The following SERPINH1 variants were observed in gnomAD, a reference collection of about 807,000 sequenced individuals.
SERPINH1 encodes serpin H1.
Under a neutral mutation model 32.3 loss-of-function variants are expected in SERPINH1, and 22 were observed. The observed-to-expected ratio is 0.68, with a 90% CI of 0.49 to 0.97. SERPINH1 has a LOEUF of 0.97. Ranked by LOEUF, SERPINH1 falls within the 50% of genes least tolerant of loss-of-function variation. The pLI is 0.00. For missense variants in SERPINH1, 543 were observed against 576.4 expected (o/e 0.94, Z 0.59); for synonymous variants, 251 against 245.9 (o/e 1.02, Z -0.19).
At chr11:75,567,556 A>G (rs927516813) in intron 2 of SERPINH1, among the ~76,000 whole-genome samples, 3 of 152,204 alleles carry the variant, frequency 2.0e-5, no homozygotes, top group Non-Finnish European at 2.9e-5. Flanking sequence ...TTTTGGTCTC[A>G]AGTGATCTGC....
Position 75,568,847 on chromosome 11 carries a change from C to A in SERPINH1, c.721+18C>A, listed in dbSNP as rs1355226932. 6.2e-7 allele frequency: 1 copy of A among 1,609,422 alleles called. No homozygotes were observed. The highest frequency in any genetic ancestry group is 8.5e-7 in the Non-Finnish European group (1 of 1,175,774). On this transcript the variant is annotated intron_variant, in intron 3 of 4. Coordinates refer to ENST00000358171, the MANE Select transcript of SERPINH1 (RefSeq NM_001235.5). Reference sequence around the variant, plus strand: ...CCGGACAGGTAGGTGCTGTGAGGAGCAGGGTGTCAAGGTGGGTGGGGGTCC... The same window carrying A: ...CCGGACAGGTAGGTGCTGTGAGGAGAAGGGTGTCAAGGTGGGTGGGGGTCC...
intron 2 of SERPINH1, chr11:75,568,468 A>G (rs928556265): frequency 5.8e-6 from 3 of 513,690 alleles, no homozygotes; most frequent in Non-Finnish European, 1.1e-5. Flanking sequence ...TGAGGGCGGA[A>G]TTAATTCTCT....
chr11:75,563,891 GTA>G (rs1942027565), intron 1 of SERPINH1: 1 of 152,646 alleles, frequency 6.6e-6, no homozygotes, highest in African/African-American at 2.4e-5. Context: ...AGGTGATCTT[GTA>G]TTTTCTTTGT....
At chr11:75,571,700 G>C (rs1041652867) in intron 4 of SERPINH1, 81 bp from the exon 5 acceptor site, 13 of 1,338,586 alleles carry the variant, frequency 9.7e-6, no homozygotes, top group African/African-American at 7.2e-5. Context: ...GGAGCGGTCA[G>C]GGTAGTATGG....
Position 75,571,888 on chromosome 11 carries a change from C to T in SERPINH1, c.1062C>T (p.Ala354=). 1 of 1,614,242 alleles carries T rather than the reference C, an allele frequency of 6.2e-7. No homozygotes were observed. The highest frequency in any genetic ancestry group is 2.2e-5 in the East Asian group (1 of 44,888). Reference sequence around the variant, plus strand: ...TGTACCTGGCCAGCGTGTTCCACGCCACCGCCTTTGAGTTGGACACAGATG... The same window carrying T: ...TGTACCTGGCCAGCGTGTTCCACGCTACCGCCTTTGAGTTGGACACAGATG... ...KDLYLASVFH[A]TAFELDTDGN... is the part of the protein sequence containing the mutation. Residue 354 remains alanine, a synonymous_variant, in exon 5 of 5, where the codon GCC becomes GCT. Coordinates refer to ENST00000358171, the MANE Select transcript of SERPINH1 (RefSeq NM_001235.5).
chr11:75,571,742 A>C, intron 4 of SERPINH1, 39 bp from the exon 5 acceptor site: 3 of 1,596,838 alleles, frequency 1.9e-6, no homozygotes, highest in Non-Finnish European at 1.7e-6. Context: ...GGAGCCTGGC[A>C]GCCATGGCCT....
Position 75,572,337 on chromosome 11 carries a change from T to C in SERPINH1, c.*254T>C. 1 of 565,240 alleles carries C rather than the reference T, an allele frequency of 1.8e-6. No individual in the cohort carries two copies. Among genetic ancestry groups the C allele is most frequent in the South Asian group, 2.0e-5 (1 of 50,700 alleles). The allele number at this position is 565,240 out of a possible 1,614,324, so 35.0% of individuals were successfully genotyped here. On this transcript the variant is annotated 3_prime_UTR_variant, in exon 5 of 5. Transcript: ENST00000358171. ...TCCTGTGGGACCTGGGCCATAGTCA[T>C]TCTGCCTGCCCTGAAAGTCCCAGAT...
Position 75,566,298 on chromosome 11 carries a change from T to G in SERPINH1, c.-34-18T>G. The G allele has an allele frequency of 6.3e-7, 1 of 1,580,744 alleles. No homozygotes were observed. The highest frequency in any genetic ancestry group is 8.6e-7 in the Non-Finnish European group (1 of 1,163,774). On this transcript the variant is annotated intron_variant, in intron 1 of 4. Transcript: ENST00000358171. Reference sequence around the variant, plus strand: ...GGCCTTGGGCTTCAAGACCACCCTGTCTGTGCAATCCTCACAGGCCCACCG... The same window carrying G: ...GGCCTTGGGCTTCAAGACCACCCTGGCTGTGCAATCCTCACAGGCCCACCG...
At chr11:75,570,949 G>C (rs1174889458) in intron 4 of SERPINH1, among the ~76,000 whole-genome samples, 1 of 152,138 alleles carries the variant, frequency 6.6e-6, no homozygotes, top group Non-Finnish European at 1.5e-5. Context: ...GCTGTTCTGT[G>C]AGGCTGTCTG....
chr11:75,565,638 G>T (rs1411889466), intron 1 of SERPINH1, among the ~76,000 whole-genome samples: 1 of 152,004 alleles, frequency 6.6e-6, no homozygotes, highest in Non-Finnish European at 1.5e-5. Flanking sequence ...ACACTCTCAG[G>T]GTCACCCTTG....
In SERPINH1 at chr11:75,569,434, T is replaced by A. The variant is rs1430141888; in HGVS notation, c.954+263T>A. ...CACTTTATATGTATTATTATTATTT[T>A]TTTTTTGAGATGGAGTCTCACTCTG... On this transcript the variant is annotated intron_variant, in intron 4 of 4. Coordinates refer to ENST00000358171, the MANE Select transcript of SERPINH1 (RefSeq NM_001235.5). 11 of 348,132 alleles carry A rather than the reference T, an allele frequency of 3.2e-5. No homozygotes were observed. In the Admixed American group the frequency reaches 3.5e-4, roughly 11 times the overall value. 21.6% of individuals were successfully genotyped at this position (348,132 alleles called of 1,614,324 possible).
In SERPINH1 at chr11:75,567,353, ACT is replaced by A. The variant is rs1316071349; in HGVS notation, c.622+385_622+386del. Among the ~76,000 whole-genome samples, 3 of 152,176 alleles carry A rather than the reference ACT, an allele frequency of 2.0e-5. No individual in the cohort carries two copies. The East Asian group carries it at 5.8e-4, about 29-fold the overall frequency. ...TATTTTTATTTTGAGATGGAGTCTCACTCTGTCACCCAGGCTGGAGTGCAATG... is the reference window on the plus strand; with the variant it reads ...TATTTTTATTTTGAGATGGAGTCTCACTGTCACCCAGGCTGGAGTGCAATG... On this transcript the variant is annotated intron_variant, in intron 2 of 4. Coordinates refer to ENST00000358171, the MANE Select transcript of SERPINH1 (RefSeq NM_001235.5).
Position 75,566,661 on chromosome 11 carries a change from C to T in SERPINH1, c.312C>T (p.Asp104=). ...TGCTGAGCGCCGAGCAGCTGCGCGA[C>T]GAGGAGGTGCACGCCGGCCTGGGCG... ...KAVLSAEQLR[D]EEVHAGLGEL... The change falls in exon 2 of 5, where the codon GAC becomes GAT. Residue 104 remains aspartate, a synonymous_variant. Coordinates refer to ENST00000358171, the MANE Select transcript of SERPINH1 (RefSeq NM_001235.5). The T allele has an allele frequency of 6.2e-7, 1 of 1,607,942 alleles. No individual in the cohort carries two copies. Among genetic ancestry groups the T allele is most frequent in the Middle Eastern group, 1.7e-4 (1 of 5,742 alleles).
At position 75,572,192 on chromosome 11, in the gene SERPINH1, G is replaced by A; in HGVS notation, c.*109G>A. ...AGGTACCAGCCTTGGATACTCCATG[G>A]GGTGGGGGTGGAAAAACAGACCGGG... On this transcript the variant is annotated 3_prime_UTR_variant, in exon 5 of 5. Coordinates refer to ENST00000358171, the MANE Select transcript of SERPINH1 (RefSeq NM_001235.5). 9.3e-7 allele frequency: 1 copy of A among 1,077,536 alleles called. No individual in the cohort carries two copies. Among genetic ancestry groups the A allele is most frequent in the Non-Finnish European group, 1.4e-6 (1 of 723,614 alleles). 66.7% of individuals were successfully genotyped at this position (1,077,536 alleles called of 1,614,324 possible).
At chr11:75,565,095 G>T (rs753610051) in intron 1 of SERPINH1, among the ~76,000 whole-genome samples, 6 of 152,258 alleles carry the variant, frequency 3.9e-5, no homozygotes, top group Non-Finnish European at 5.9e-5. Context: ...CGAAGGGAGA[G>T]AGGGAGTGTG....
intron 4 of SERPINH1, among the ~76,000 whole-genome samples, chr11:75,570,776 C>T (rs1942183175): frequency 6.6e-6 from 1 of 152,224 alleles, no homozygotes; most frequent in Admixed American, 6.5e-5. Flanking sequence ...ATGGGCCCCG[C>T]CCTCAGGGAG....
chr11:75,566,336 A>T lies in SERPINH1; in HGVS notation c.-14A>T, dbSNP rs369900182. On this transcript the variant is annotated 5_prime_UTR_variant, in exon 2 of 5. Coordinates refer to ENST00000358171, the MANE Select transcript of SERPINH1 (RefSeq NM_001235.5). The stretch of plus-strand genomic sequence containing the variant: ...CACAGGCCCACCGTGGTGCACGCAA[A>T]CCACTTCCTGGCCATGCGCTCCCTC... 22 of 1,605,164 alleles carry T rather than the reference A, an allele frequency of 1.4e-5. 1 individual carries two copies. The South Asian group carries it at 2.2e-4, about 16-fold the overall frequency.
chr11:75,566,911 G>T lies in SERPINH1; in HGVS notation c.562G>T (p.Val188Phe), dbSNP rs1942098345. 1 of 1,607,746 alleles carries T rather than the reference G, an allele frequency of 6.2e-7. No individual in the cohort carries two copies. The highest frequency in any genetic ancestry group is 8.5e-7 in the Non-Finnish European group (1 of 1,179,914). The change falls in exon 2 of 5, where the codon GTC (valine) becomes TTC (phenylalanine). Residue 188 changes from valine (V) to phenylalanine (F), a missense_variant. By Grantham distance (50) the Val-to-Phe change is conservative. Around this residue, in one of 3 missense-constraint regions of SERPINH1, gnomAD observed 427 missense variants for 446.4 expected, o/e 0.96. Transcript: ENST00000358171. The stretch of plus-strand genomic sequence containing the variant: ...GACCACCGACGGCAAGCTGCCCGAG[G>T]TCACCAAGGACGTGGAGCGCACGGA... ...AQTTDGKLPE[V>F]TKDVERTDGA...
chr11:75,568,457 C>T (rs1942130492), intron 2 of SERPINH1: 1 of 506,098 alleles, frequency 2.0e-6, no homozygotes, highest in Admixed American at 3.1e-5. Context: ...GGTGGCTGAC[C>T]TGAGGGCGGA....
Sources: allele counts gnomAD v4.1 joint callset (sites outside exome capture counted in the v4.1 genomes callset), GRCh38; gene constraint gnomAD v4.1.1; regional missense constraint gnomAD v4.1.1; transcripts MANE v1.5; gene names NCBI Gene and HGNC (gene_info 2026-07-23, HGNC 2026-07-21).